Variants in C12orf42 observed in about 807,000 individuals in gnomAD.
C12orf42 encodes chromosome 12 open reading frame 42, also known as uncharacterized protein C12orf42.
C12orf42 carries 25 observed loss-of-function variants against 21.6 expected under a neutral mutation model. The observed-to-expected ratio is 1.16, with a 90% CI of 0.84 to 1.62. C12orf42 has a LOEUF of 1.62. C12orf42 is among the 40% of genes most tolerant of loss of function. C12orf42 has a pLI of 0.00. For synonymous variants in C12orf42, 174 were observed against 175.0 expected, an observed-to-expected ratio of 0.99 and a Z score of 0.05; for missense variants, 483 against 459.3, an observed-to-expected ratio of 1.05 and a Z score of -0.47.
At chr12:103,410,618 G>C (rs2048762249) in intron 2 of C12orf42, among the ~76,000 whole-genome samples, 1 of 152,178 alleles carries the variant, frequency 6.6e-6, no homozygotes, top group Non-Finnish European at 1.5e-5. Flanking sequence ...CTTTGCTCTA[G>C]GTAATGCCTT....
At chr12:103,491,019 CTT>C (rs1955151860) in intron 1 of C12orf42, among the ~76,000 whole-genome samples, 2 of 152,224 alleles carry the variant, frequency 1.3e-5, no homozygotes, top group Admixed American at 6.5e-5. Context: ...TTATCATACT[CTT>C]AGTCCAGTCT....
chr12:103,124,656 GAGA>G, the C12orf42 span, among the ~76,000 whole-genome samples: 1 of 152,206 alleles, frequency 6.6e-6, no homozygotes, highest in Non-Finnish European at 1.5e-5. Flanking sequence ...CCAGCAGGTT[GAGA>G]AGGACAGAGA....
chr12:103,133,216 G>A, the C12orf42 span, among the ~76,000 whole-genome samples: 1 of 152,096 alleles, frequency 6.6e-6, no homozygotes, highest in Non-Finnish European at 1.5e-5. Flanking sequence ...CTAGGGACTG[G>A]CCTGCTCAAC....
At position 103,306,102 on chromosome 12, in the gene C12orf42, T is replaced by G; in HGVS notation, c.503A>C (p.Glu168Ala). The G allele has an allele frequency of 6.2e-7, 1 of 1,613,938 alleles. No homozygotes were observed. The highest frequency in any genetic ancestry group is 8.5e-7 in the Non-Finnish European group (1 of 1,179,846). The change falls in exon 5 of 6, where the codon GAA becomes GCA. Residue 168 changes from glutamate to alanine, a missense_variant. Transcript: ENST00000548883. ...CCAGTTAGGCTTTTTAACCAGTTGT[T>G]CCAAAAATGAACTGTTCCAAGCCTG... ...PKQAWNSSFL[E>A]QLVKKPNWAH...
At chr12:103,188,614 G>A in the C12orf42 span, among the ~76,000 whole-genome samples, 1 of 152,172 alleles carries the variant, frequency 6.6e-6, no homozygotes, top group African/African-American at 2.4e-5. Context: ...ATGGCTTGGT[G>A]ATATCCACAA....
chr12:103,125,632 A>G, the C12orf42 span, among the ~76,000 whole-genome samples: 1 of 152,210 alleles, frequency 6.6e-6, no homozygotes, highest in Admixed American at 6.5e-5. Context: ...TCTATATTGT[A>G]TACCAAAATG....
chr12:103,248,736 G>C (rs998521101), intron 10 of C12orf42, among the ~76,000 whole-genome samples: 2 of 151,952 alleles, frequency 1.3e-5, no homozygotes, highest in Non-Finnish European at 2.9e-5. Context: ...CTAGCTGTGA[G>C]ACCTTGCACA....
chr12:103,378,084 A>T (rs2045859165), intron 3 of C12orf42, among the ~76,000 whole-genome samples: 1 of 152,196 alleles, frequency 6.6e-6, no homozygotes, highest in Non-Finnish European at 1.5e-5. Context: ...AGGGGGAACT[A>T]GCCTGAGCTG....
chr12:103,100,306 G>A, the C12orf42 span, among the ~76,000 whole-genome samples: 1 of 152,218 alleles, frequency 6.6e-6, no homozygotes, highest in Admixed American at 6.5e-5. Flanking sequence ...TGTGGGGCTG[G>A]ACAATGGAGG....
the C12orf42 span, among the ~76,000 whole-genome samples, chr12:103,055,499 C>G: frequency 6.6e-6 from 1 of 151,840 alleles, no homozygotes; most frequent in African/African-American, 2.4e-5. Flanking sequence ...TTCCAAAGAA[C>G]CAGCTCTTTG....
the C12orf42 span, among the ~76,000 whole-genome samples, chr12:103,125,636 CA>C: frequency 4.6e-5 from 7 of 152,044 alleles, no homozygotes; most frequent in African/African-American, 1.7e-4. Flanking sequence ...TATTGTATAC[CA>C]AAATGTATGT....
chr12:103,464,427 T>TC (rs879573425), intron 2 of C12orf42, among the ~76,000 whole-genome samples: 1 of 151,636 alleles, frequency 6.6e-6, no homozygotes, highest in Admixed American at 6.6e-5. Flanking sequence ...TTTTTTTTTT[T>TC]CTTGTAAACT....
intron 4 of C12orf42, among the ~76,000 whole-genome samples, chr12:103,277,676 A>G (rs2035853273): frequency 6.7e-6 from 1 of 149,986 alleles, no homozygotes; most frequent in Non-Finnish European, 1.5e-5. Flanking sequence ...GCTGGAGTGC[A>G]GTGGTGTGAT....
intron 1 of C12orf42, among the ~76,000 whole-genome samples, chr12:103,484,723 A>T (rs984528977): frequency 1.3e-5 from 2 of 152,092 alleles, no homozygotes; most frequent in Admixed American, 6.5e-5. Flanking sequence ...TTAGTCATGA[A>T]GTCCTTCCCC....
At chr12:103,563,389 C>A in the C12orf42 span, among the ~76,000 whole-genome samples, 3 of 152,182 alleles carry the variant, frequency 2.0e-5, no homozygotes, top group Admixed American at 1.3e-4. Context: ...GCACAATAAA[C>A]AAGCCTAGCA....
At chr12:103,205,222 G>A in the C12orf42 span, among the ~76,000 whole-genome samples, 1 of 152,210 alleles carries the variant, frequency 6.6e-6, no homozygotes, top group African/African-American at 2.4e-5. Flanking sequence ...TTGAAAGTAT[G>A]TATAGCCCGA....
intron 2 of C12orf42, among the ~76,000 whole-genome samples, chr12:103,411,725 C>G (rs2048862072): frequency 6.6e-6 from 1 of 152,194 alleles, no homozygotes; most frequent in Non-Finnish European, 1.5e-5. Context: ...GTGCGTTGAT[C>G]TTGGACTTCC....
chr12:103,559,391 T>TGGATTTTGCCCCAAGTGCTTTTTCCCC, the C12orf42 span: 24 of 152,320 alleles, frequency 1.6e-4, no homozygotes, highest in African/African-American at 5.3e-4. Flanking sequence ...TGTTTTTTCC[T>TGGATTTTGCCCCAAGTGCTTTTTCCCC]GGACTTTGCC....
intron 4 of C12orf42, among the ~76,000 whole-genome samples, chr12:103,336,301 G>A (rs1267540317): frequency 6.6e-6 from 1 of 152,142 alleles, no homozygotes. Context: ...AGAAGATATA[G>A]GCTTCATTTT....
Sources: allele counts gnomAD v4.1 joint callset (sites outside exome capture counted in the v4.1 genomes callset), GRCh38; gene constraint gnomAD v4.1.1; transcripts MANE v1.5; gene names NCBI Gene and HGNC (gene_info 2026-07-23, HGNC 2026-07-21).